The following MEMO1 variants were observed in gnomAD, a reference collection of about 807,000 sequenced individuals.
MEMO1 encodes mediator of cell motility 1.
In MEMO1, 6 loss-of-function variants were observed where a neutral mutation model predicts 45.2. The observed-to-expected ratio is 0.13, with a 90% confidence interval of 0.07 to 0.26. The LOEUF is 0.26. Ranked by LOEUF, MEMO1 falls within the 10% of genes least tolerant of loss-of-function variation. The pLI, the probability that MEMO1 is intolerant of heterozygous loss-of-function variation, is 1.00. For missense variants in MEMO1, 184 were observed against 370.5 expected (o/e 0.50, Z 4.13); for synonymous variants, 78 against 124.3 (o/e 0.63, Z 2.48).
In MEMO1 at chr2:31,906,260, G is replaced by A. The variant is rs182931957; in HGVS notation, c.437+11666C>T. Among the ~76,000 whole-genome samples the A allele has an allele frequency of 5.3e-3, 807 of 151,890 alleles. 8 individuals are homozygous for A. The highest frequency in any genetic ancestry group is 0.017 in the African/African-American group (704 of 41,414). Reference sequence around the variant, plus strand: ...GCTGGGATTACCGGCGTGAGCCACCGCACCCGGCCAAGGAGTGCTATTCTT... The same window carrying A: ...GCTGGGATTACCGGCGTGAGCCACCACACCCGGCCAAGGAGTGCTATTCTT... On this transcript the variant is annotated intron_variant, in intron 6 of 9. Coordinates refer to ENST00000404530, the MANE Select transcript of MEMO1 (RefSeq NM_001301833.4).
intron 6 of MEMO1, among the ~76,000 whole-genome samples, chr2:31,913,642 C>A (rs1257082440): frequency 1.3e-5 from 2 of 151,380 alleles, no homozygotes; most frequent in Non-Finnish European, 2.9e-5. Flanking sequence ...GTTATTAATT[C>A]ATTCAACAAT....
intron 3 of MEMO1, among the ~76,000 whole-genome samples, chr2:31,934,451 G>A (rs1220194912): frequency 1.3e-5 from 2 of 150,238 alleles, no homozygotes; most frequent in African/African-American, 2.5e-5. Flanking sequence ...GTGACTGAGC[G>A]AGACTTTATT....
At chr2:32,000,483 G>A (rs1306180880) in intron 2 of MEMO1, among the ~76,000 whole-genome samples, 1 of 152,038 alleles carries the variant, frequency 6.6e-6, no homozygotes, top group Non-Finnish European at 1.5e-5. Context: ...GCCCGCCTCG[G>A]CCTCCCAAAG....
At chr2:32,002,144 CA>C (rs1156408005) in intron 2 of MEMO1, among the ~76,000 whole-genome samples, 318 of 55,566 alleles carry the variant, frequency 5.7e-3, no homozygotes, top group African/African-American at 0.01. Context: ...GACTCTGTCT[CA>C]AAAAAAAAAA....
At chr2:31,901,260 C>A (rs1186741690) in intron 6 of MEMO1, among the ~76,000 whole-genome samples, 1 of 149,380 alleles carries the variant, frequency 6.7e-6, no homozygotes, top group East Asian at 2.0e-4. Context: ...GTCGTCCCAG[C>A]TACTTGGGAG....
chr2:31,881,495 T>TAAAAAAAA, intron 8 of MEMO1, among the ~76,000 whole-genome samples: 1 of 68,428 alleles, frequency 1.5e-5, no homozygotes, highest in Non-Finnish European at 2.6e-5. Context: ...AGCCTGTCTT[T>TAAAAAAAA]AAAAAAAAAA....
chr2:31,890,634 G>A (rs1676829454), intron 7 of MEMO1, among the ~76,000 whole-genome samples: 3 of 152,114 alleles, frequency 2.0e-5, no homozygotes, highest in Admixed American at 2.0e-4. Flanking sequence ...AACCCTGAGA[G>A]CTTCTCTGGG....
chr2:31,988,392 C>A (rs1297672156), intron 2 of MEMO1, among the ~76,000 whole-genome samples: 1 of 151,880 alleles, frequency 6.6e-6, no homozygotes, highest in Admixed American at 6.6e-5. Flanking sequence ...ACTGAAAATA[C>A]AGAAATTAGC....
chr2:31,955,244 A>T (rs1198585215), intron 2 of MEMO1, among the ~76,000 whole-genome samples: 1 of 152,190 alleles, frequency 6.6e-6, no homozygotes, highest in African/African-American at 2.4e-5. Flanking sequence ...ACTGCCTTAA[A>T]GGAGTTTATT....
chr2:31,929,668 C>T (rs1683654763), intron 4 of MEMO1, among the ~76,000 whole-genome samples: 1 of 152,200 alleles, frequency 6.6e-6, no homozygotes, highest in Non-Finnish European at 1.5e-5. Flanking sequence ...CCCCCACCCA[C>T]TTTTAAATTC....
Position 31,895,921 on chromosome 2 carries a change from T to C in MEMO1, c.438-3787A>G, listed in dbSNP as rs185335597. On this transcript the variant is annotated intron_variant, in intron 6 of 9. Coordinates refer to ENST00000404530, the MANE Select transcript of MEMO1 (RefSeq NM_001301833.4). ...GCAGTGGCGAGATCTCAGCTCACTG[T>C]AGGCTCCGCCCCCCGGGGTTCACAC... is the stretch of plus-strand genomic sequence containing the variant. Among the ~76,000 whole-genome samples the C allele has an allele frequency of 1.8e-3, 271 of 148,722 alleles. 2 individuals are homozygous for C. Among genetic ancestry groups the C allele is most frequent in the African/African-American group, 6.5e-3 (262 of 40,162 alleles).
intron 4 of MEMO1, among the ~76,000 whole-genome samples, chr2:31,930,685 T>C (rs541168169): frequency 9.6e-4 from 146 of 152,186 alleles, no homozygotes; most frequent in African/African-American, 3.4e-3. Flanking sequence ...CTTGCTCTGT[T>C]GCCAAGCTGG....
At position 31,935,769 on chromosome 2, in the gene MEMO1, C is replaced by T. The variant is rs921178577; in HGVS notation, c.144-3634G>A. Reference sequence around the variant, plus strand: ...ATCTTTCTCTCGCTAACAGACCCTGCGATTCTACATGTATGTGGAAACAAC... The same window carrying T: ...ATCTTTCTCTCGCTAACAGACCCTGTGATTCTACATGTATGTGGAAACAAC... On this transcript the variant is annotated intron_variant, in intron 3 of 9. Transcript: ENST00000404530. Among the ~76,000 whole-genome samples, 15 of 152,034 alleles carry T rather than the reference C, an allele frequency of 9.9e-5. No homozygotes were observed. The South Asian group carries it at 1.5e-3, about 15-fold the overall frequency.
At chr2:31,991,137 G>A (rs1293084952) in intron 2 of MEMO1, among the ~76,000 whole-genome samples, 2 of 152,162 alleles carry the variant, frequency 1.3e-5, no homozygotes, top group East Asian at 1.9e-4. Flanking sequence ...TTATAGTCAC[G>A]TGTGTTTATA....
At chr2:31,955,084 A>G (rs999937751) in intron 2 of MEMO1, among the ~76,000 whole-genome samples, 2 of 152,088 alleles carry the variant, frequency 1.3e-5, no homozygotes, top group Admixed American at 6.6e-5. Context: ...CCACAAAAAA[A>G]TACAAAAATT....
At chr2:31,907,301 T>C (rs1349937384) in intron 6 of MEMO1, among the ~76,000 whole-genome samples, 2 of 152,222 alleles carry the variant, frequency 1.3e-5, no homozygotes, top group African/African-American at 4.8e-5. Flanking sequence ...TTTATATTCA[T>C]TTCTTATCTC....
intron 2 of MEMO1, among the ~76,000 whole-genome samples, chr2:31,956,511 C>G (rs1667429888): frequency 6.6e-6 from 1 of 152,152 alleles, no homozygotes; most frequent in Admixed American, 6.5e-5. Flanking sequence ...TCAGGAGAAG[C>G]AGATCAAGCC....
intron 6 of MEMO1, among the ~76,000 whole-genome samples, chr2:31,897,646 G>A (rs1393607506): frequency 1.3e-5 from 2 of 152,130 alleles, no homozygotes; most frequent in Non-Finnish European, 2.9e-5. Flanking sequence ...TTTTTGCACT[G>A]ATATTCATCA....
intron 2 of MEMO1, among the ~76,000 whole-genome samples, chr2:31,959,906 T>C (rs762283099): frequency 1.3e-5 from 2 of 152,208 alleles, no homozygotes; most frequent in East Asian, 1.9e-4. Context: ...AATCTAAAAG[T>C]GCATTTTTTG....
Sources: allele counts gnomAD v4.1 joint callset (sites outside exome capture counted in the v4.1 genomes callset), GRCh38; gene constraint gnomAD v4.1.1; transcripts MANE v1.5; gene names NCBI Gene and HGNC (gene_info 2026-07-23, HGNC 2026-07-21).